Variants in PIK3C2G observed in about 807,000 individuals in gnomAD.
PIK3C2G encodes the protein phosphatidylinositol 3-kinase C2 domain-containing subunit gamma.
In PIK3C2G, 168 loss-of-function variants were observed where a neutral mutation model predicts 181.1. That is an observed-to-expected ratio of 0.93 (90% CI 0.82 to 1.05). The LOEUF is 1.05. Ranked by LOEUF, PIK3C2G falls within the 50% of genes least tolerant of loss-of-function variation. The pLI is 0.00. For synonymous variants in PIK3C2G, 573 were observed against 592.2 expected (o/e 0.97, Z 0.47); for missense variants, 1,869 against 1,732.8 (o/e 1.08, Z -1.40).
intron 14 of PIK3C2G, among the ~76,000 whole-genome samples, chr12:18,385,652 T>C (rs1206292094): frequency 6.6e-6 from 1 of 152,062 alleles, no homozygotes; most frequent in Non-Finnish European, 1.5e-5. Context: ...CACTGCAACC[T>C]CCTCCTCCCA....
At chr12:18,502,499 A>G (rs1240876250) in intron 22 of PIK3C2G, among the ~76,000 whole-genome samples, 2 of 152,192 alleles carry the variant, frequency 1.3e-5, no homozygotes, top group African/African-American at 4.8e-5. Flanking sequence ...ATAATACTGT[A>G]CTTTGCGGGT....
At chr12:18,417,470 C>G (rs1023484999) in intron 16 of PIK3C2G, among the ~76,000 whole-genome samples, 1 of 152,026 alleles carries the variant, frequency 6.6e-6, no homozygotes, top group African/African-American at 2.4e-5. Flanking sequence ...AAGAGTCAAT[C>G]GATTCAAGCT....
downstream of PIK3C2G, among the ~76,000 whole-genome samples, chr12:18,651,665 G>A (rs576897146): frequency 1.1e-3 from 164 of 152,196 alleles, 1 homozygote; most frequent in African/African-American, 3.8e-3. Context: ...TGGAACTTCC[G>A]GCCTGAACAG....
chr12:18,269,912 C>CTTTTTTTTTTTTTTTTTTTTTTTTT (rs367550750), intron 1 of PIK3C2G, among the ~76,000 whole-genome samples: 1 of 136,930 alleles, frequency 7.3e-6, no homozygotes, highest in African/African-American at 2.7e-5. Context: ...TTTTTCTTTT[C>CTTTTTTTTTTTTTTTTTTTTTTTTT]TTTTTTTTTT....
chr12:18,593,532 T>C (rs538221570), intron 29 of PIK3C2G, among the ~76,000 whole-genome samples: 1 of 152,030 alleles, frequency 6.6e-6, no homozygotes, highest in South Asian at 2.1e-4. Context: ...TCAGGCAGCT[T>C]TGACAGCTAC....
chr12:18,409,297 A>G (rs1307610143), intron 16 of PIK3C2G, among the ~76,000 whole-genome samples: 2 of 152,164 alleles, frequency 1.3e-5, no homozygotes, highest in Non-Finnish European at 1.5e-5. Flanking sequence ...TAACATGAGA[A>G]CAGAAAACTA....
chr12:18,466,921 G>T (rs1937945492), intron 18 of PIK3C2G, among the ~76,000 whole-genome samples: 1 of 151,900 alleles, frequency 6.6e-6, no homozygotes, highest in African/African-American at 2.4e-5. Context: ...CACTTGGAAT[G>T]TTTCTAATTT....
intron 18 of PIK3C2G, among the ~76,000 whole-genome samples, chr12:18,483,980 T>C (rs1241245011): frequency 6.6e-6 from 1 of 152,150 alleles, no homozygotes; most frequent in African/African-American, 2.4e-5. Flanking sequence ...TACTGGGACA[T>C]GCTGTTCTCC....
chr12:18,492,357 C>G (rs1940648607), intron 20 of PIK3C2G, among the ~76,000 whole-genome samples: 1 of 152,082 alleles, frequency 6.6e-6, no homozygotes, highest in Non-Finnish European at 1.5e-5. Context: ...AAAATTAGAC[C>G]ATTATTACTG....
At chr12:18,440,204 C>A (rs1370216771) in intron 18 of PIK3C2G, among the ~76,000 whole-genome samples, 3 of 151,838 alleles carry the variant, frequency 2.0e-5, no homozygotes, top group African/African-American at 7.3e-5. Context: ...GTCATGCAGG[C>A]TTATATCTGT....
intron 18 of PIK3C2G, among the ~76,000 whole-genome samples, chr12:18,445,773 T>C (rs1946989593): frequency 1.3e-5 from 2 of 152,180 alleles, no homozygotes; most frequent in African/African-American, 2.4e-5. Context: ...CTGTAAACCA[T>C]CCCAAGATGT....
At chr12:18,671,119 G>A in the PIK3C2G span, among the ~76,000 whole-genome samples, 1 of 150,958 alleles carries the variant, frequency 6.6e-6, no homozygotes, top group African/African-American at 2.4e-5. Flanking sequence ...GGAGGTGACA[G>A]TGATTTCAGC....
the PIK3C2G span, among the ~76,000 whole-genome samples, chr12:18,676,151 A>G: frequency 2.0e-5 from 3 of 152,152 alleles, no homozygotes; most frequent in Admixed American, 6.6e-5. Context: ...AGAGACAGCT[A>G]GAAAATGGAC....
At chr12:18,381,564 A>G (rs1242951395) in intron 13 of PIK3C2G, among the ~76,000 whole-genome samples, 1 of 152,218 alleles carries the variant, frequency 6.6e-6, no homozygotes, top group Non-Finnish European at 1.5e-5. Flanking sequence ...ATTTATGAAA[A>G]TAGCCAAGCA....
At chr12:18,571,934 C>T (rs1357756783) in intron 29 of PIK3C2G, among the ~76,000 whole-genome samples, 1 of 150,512 alleles carries the variant, frequency 6.6e-6, no homozygotes, top group African/African-American at 2.5e-5. Flanking sequence ...TCTTTTCTTC[C>T]ATTCTTTTTT....
At chr12:18,647,080 A>ATT (rs34732760) in intron 32 of PIK3C2G, among the ~76,000 whole-genome samples, 67 of 151,178 alleles carry the variant, frequency 4.4e-4, no homozygotes, top group African/African-American at 1.4e-3. Context: ...CCTTTTTGGT[A>ATT]TTTTTTTTTG....
chr12:18,303,906 T>A (rs1950314427), intron 5 of PIK3C2G, among the ~76,000 whole-genome samples: 1 of 152,056 alleles, frequency 6.6e-6, no homozygotes, highest in Non-Finnish European at 1.5e-5. Flanking sequence ...TTGACGGTTG[T>A]CAAGGAATGT....
chr12:18,519,185 G>T (rs1333099658), intron 24 of PIK3C2G, among the ~76,000 whole-genome samples: 2 of 152,166 alleles, frequency 1.3e-5, no homozygotes, highest in African/African-American at 4.8e-5. Flanking sequence ...GTGCCATGTG[G>T]CACTGAGAAT....
the PIK3C2G span, among the ~76,000 whole-genome samples, chr12:18,671,442 T>C: frequency 6.6e-6 from 1 of 152,018 alleles, no homozygotes; most frequent in African/African-American, 2.4e-5. Context: ...TGTGACTGCG[T>C]CAGCATAATG....
Sources: allele counts gnomAD v4.1 joint callset (sites outside exome capture counted in the v4.1 genomes callset), GRCh38; gene constraint gnomAD v4.1.1; transcripts MANE v1.5; gene names NCBI Gene and HGNC (gene_info 2026-07-23, HGNC 2026-07-21).